Variants in ANKRD45 observed in about 807,000 individuals in gnomAD.
ANKRD45 encodes the protein ankyrin repeat domain 45.
In ANKRD45, 21 loss-of-function variants were observed where a neutral mutation model predicts 28.1. The observed-to-expected ratio is 0.75, with a 90% CI of 0.53 to 1.08. The LOEUF (loss-of-function observed/expected upper bound fraction) is 1.08. ANKRD45 is among the 50% of genes least tolerant of loss of function. ANKRD45 has a pLI of 0.00. For missense variants in ANKRD45, 261 were observed against 308.7 expected (o/e 0.85, Z 1.16); for synonymous variants, 86 against 103.9 (o/e 0.83, Z 1.05).
chr1:173,638,665 G>T (rs963600189), intron 3 of ANKRD45, among the ~76,000 whole-genome samples: 2 of 152,152 alleles, frequency 1.3e-5, no homozygotes, highest in Admixed American at 6.5e-5. Flanking sequence ...TTAACCTTTG[G>T]GGGGAGATTA....
chr1:173,636,449 A>G (rs1028373600), intron 3 of ANKRD45, among the ~76,000 whole-genome samples: 2 of 152,196 alleles, frequency 1.3e-5, no homozygotes, highest in African/African-American at 2.4e-5. Flanking sequence ...GAAGAATTAG[A>G]TATTTATAAA....
At chr1:173,650,043 C>T (rs978562546) in intron 2 of ANKRD45, among the ~76,000 whole-genome samples, 6 of 152,266 alleles carry the variant, frequency 3.9e-5, no homozygotes, top group East Asian at 1.9e-4. Flanking sequence ...ATATACATTT[C>T]GTGTGGTCTT....
chr1:173,678,467 T>C, the ANKRD45 span, among the ~76,000 whole-genome samples: 2 of 152,156 alleles, frequency 1.3e-5, no homozygotes, highest in Non-Finnish European at 2.9e-5. Context: ...AAAACCCACA[T>C]GATTATCTCA....
the ANKRD45 span, among the ~76,000 whole-genome samples, chr1:173,702,712 GTCC>G: frequency 1.4e-5 from 2 of 145,738 alleles, no homozygotes; most frequent in Admixed American, 1.4e-4. Flanking sequence ...GTCATTCTGT[GTCC>G]TCTTTTTTTT....
chr1:173,654,569 T>C (rs918256458), intron 2 of ANKRD45, among the ~76,000 whole-genome samples: 8 of 152,208 alleles, frequency 5.3e-5, no homozygotes, highest in Non-Finnish European at 1.2e-4. Flanking sequence ...CTGACAATTA[T>C]GTGTCTTGGG....
chr1:173,622,511 C>A (rs1184768817), intron 5 of ANKRD45, among the ~76,000 whole-genome samples: 4 of 152,164 alleles, frequency 2.6e-5, no homozygotes, highest in African/African-American at 9.7e-5. Context: ...CACACACCTA[C>A]AACCATCTGA....
chr1:173,703,867 T>C, the ANKRD45 span, among the ~76,000 whole-genome samples: 2 of 152,264 alleles, frequency 1.3e-5, no homozygotes, highest in Non-Finnish European at 2.9e-5. Context: ...GTAACAGTGA[T>C]GGTCTGATGA....
At chr1:173,689,045 C>G in the ANKRD45 span, among the ~76,000 whole-genome samples, 1 of 152,186 alleles carries the variant, frequency 6.6e-6, no homozygotes, top group Non-Finnish European at 1.5e-5. Context: ...CCAAATTTAT[C>G]AAGGGCTCCT....
intron 5 of ANKRD45, among the ~76,000 whole-genome samples, chr1:173,611,147 T>A (rs768801463): frequency 2.0e-4 from 30 of 152,224 alleles, no homozygotes; most frequent in Non-Finnish European, 3.5e-4. Context: ...ACATGGGTAC[T>A]GGCCACTTCC....
upstream of ANKRD45, among the ~76,000 whole-genome samples, chr1:173,670,865 G>A (rs1392553370): frequency 6.6e-6 from 1 of 152,200 alleles, no homozygotes; most frequent in Non-Finnish European, 1.5e-5. Context: ...ACACTCACCT[G>A]TCCAAACCCA....
intron 3 of ANKRD45, among the ~76,000 whole-genome samples, chr1:173,633,873 A>C (rs1668298804): frequency 6.6e-6 from 1 of 152,072 alleles, no homozygotes; most frequent in African/African-American, 2.4e-5. Flanking sequence ...AAGACCTCAA[A>C]CTATGAAACT....
chr1:173,678,861 C>G, the ANKRD45 span, among the ~76,000 whole-genome samples: 1 of 152,182 alleles, frequency 6.6e-6, no homozygotes, highest in Admixed American at 6.5e-5. Flanking sequence ...AGCAAAGTCT[C>G]AGGATACAAA....
the ANKRD45 span, among the ~76,000 whole-genome samples, chr1:173,691,525 C>T: frequency 1.3e-5 from 2 of 152,214 alleles, no homozygotes; most frequent in African/African-American, 4.8e-5. Flanking sequence ...GTGGCTCACG[C>T]CTGTAATCCC....
At chr1:173,708,734 T>C in the ANKRD45 span, among the ~76,000 whole-genome samples, 5 of 152,242 alleles carry the variant, frequency 3.3e-5, no homozygotes, top group East Asian at 7.7e-4. Flanking sequence ...AGGAATGTTT[T>C]ATAGTTTTCC....
the ANKRD45 span, among the ~76,000 whole-genome samples, chr1:173,707,919 C>T: frequency 1.3e-5 from 2 of 152,256 alleles, no homozygotes; most frequent in South Asian, 4.2e-4. Context: ...TAAACAGTGC[C>T]TATTGCCCCA....
At chr1:173,614,283 TA>T (rs1165173963) in intron 5 of ANKRD45, among the ~76,000 whole-genome samples, 22 of 150,698 alleles carry the variant, frequency 1.5e-4, no homozygotes, top group African/African-American at 4.6e-4. Flanking sequence ...AAAAAATAAA[TA>T]AAATAAAATA....
At chr1:173,706,122 G>A in the ANKRD45 span, among the ~76,000 whole-genome samples, 2 of 151,770 alleles carry the variant, frequency 1.3e-5, no homozygotes, top group Admixed American at 1.3e-4. Flanking sequence ...GACCAATATG[G>A]TGAAACCCTA....
At position 173,614,566 on chromosome 1, in the gene ANKRD45, C is replaced by T. The variant is rs544766591; in HGVS notation, c.731-4351G>A. Among the ~76,000 whole-genome samples the T allele has an allele frequency of 2.6e-5, 4 of 152,138 alleles. No individual in the cohort carries two copies. The South Asian group carries it at 8.3e-4, about 32-fold the overall frequency. The stretch of plus-strand genomic sequence containing the variant: ...ATTTAACATATTGGACAGCCACTTT[C>T]ATAGATTTCGTATGCAAATCTGCCT... On this transcript the variant is annotated intron_variant, in intron 5 of 5. Coordinates refer to ENST00000333279, the MANE Select transcript of ANKRD45 (RefSeq NM_198493.3).
rs1296957444 is a variant in ANKRD45 at position 173,659,141 on chromosome 1, A to G, written c.278T>C (p.Ile93Thr). The change falls in exon 2 of 6, where the codon ATT becomes ACT. Residue 93 changes from isoleucine to threonine, a missense_variant. Transcript: ENST00000333279. ...AACMAGQSDVIRALAKYGVNL... is the reference protein window; with the variant it reads ...AACMAGQSDVTRALAKYGVNL... The stretch of plus-strand genomic sequence containing the variant: ...CACACCATATTTTGCCAAAGCTCTA[A>G]TCACGTCACTTTGCCCAGCCATGCA... 8 of 1,614,024 alleles carry G rather than the reference A, an allele frequency of 5.0e-6. No individual in the cohort carries two copies. The East Asian group carries it at 1.1e-4, about 22-fold the overall frequency.
Sources: allele counts gnomAD v4.1 joint callset (sites outside exome capture counted in the v4.1 genomes callset), GRCh38; gene constraint gnomAD v4.1.1; transcripts MANE v1.5; gene names NCBI Gene and HGNC (gene_info 2026-07-23, HGNC 2026-07-21).